The following MACROD2 variants were observed in gnomAD, a reference collection of about 807,000 sequenced individuals.
MACROD2 encodes the protein ADP-ribose glycohydrolase MACROD2.
Under a neutral mutation model 70.4 loss-of-function variants are expected in MACROD2, and 36 were observed. The observed-to-expected ratio is 0.51, with a 90% CI of 0.39 to 0.68. The LOEUF (loss-of-function observed/expected upper bound fraction) is 0.68. Among genes scored for constraint, MACROD2 ranks in the 30% least tolerant of loss-of-function variants. MACROD2 has a pLI of 0.00. For synonymous variants in MACROD2, 172 were observed against 178.8 expected (o/e 0.96, Z 0.30); for missense variants, 496 against 538.4 (o/e 0.92, Z 0.78).
intron 6 of MACROD2, among the ~76,000 whole-genome samples, chr20:15,271,463 A>T (rs779273436): frequency 6.6e-6 from 1 of 152,208 alleles, no homozygotes; most frequent in African/African-American, 2.4e-5. Flanking sequence ...TCTCTTTCCA[A>T]AAACAGAAGA....
intron 8 of MACROD2, among the ~76,000 whole-genome samples, chr20:15,698,094 C>T (rs1028462656): frequency 4.6e-5 from 7 of 152,198 alleles, no homozygotes; most frequent in East Asian, 1.9e-4. Context: ...TTGCATTCAT[C>T]ATGCTCTTTG....
intron 7 of MACROD2, among the ~76,000 whole-genome samples, chr20:15,474,956 C>G (rs1400458597): frequency 1.3e-5 from 2 of 151,856 alleles, no homozygotes; most frequent in Admixed American, 6.6e-5. Context: ...ACGGTCAGCT[C>G]TCTGTACCTG....
rs147805897 is a variant in MACROD2, at chr20:14,662,936, G to T, written c.302-21907G>T. Among the ~76,000 whole-genome samples, 1,155 of 152,190 alleles carry T rather than the reference G, an allele frequency of 7.6e-3. 17 individuals are homozygous for T. Among genetic ancestry groups the T allele is most frequent in the African/African-American group, 0.026 (1,088 of 41,520 alleles). On this transcript the variant is annotated intron_variant, in intron 4 of 17. Transcript: ENST00000684519. ...GAAGATGGTGTGGTGATTCCTCAAA[G>T]ACCTAAAAACAGAAATACCATTTGA...
chr20:14,498,554 T>G (rs17812701), intron 4 of MACROD2, among the ~76,000 whole-genome samples: 23,175 of 152,256 alleles, frequency 0.15, 2,523 homozygotes, highest in Non-Finnish European at 0.22. Context: ...TTGTCTACAT[T>G]CTTTCAGATG....
intron 4 of MACROD2, among the ~76,000 whole-genome samples, chr20:14,603,111 G>C (rs1049645320): frequency 2.6e-5 from 4 of 152,084 alleles, no homozygotes; most frequent in African/African-American, 9.7e-5. Context: ...CATATAGTTG[G>C]TTTTTTTAAG....
chr20:15,049,197 G>A (rs1002295958), intron 5 of MACROD2, among the ~76,000 whole-genome samples: 6 of 151,894 alleles, frequency 4.0e-5, no homozygotes, highest in African/African-American at 1.5e-4. Flanking sequence ...AAACAGTAAT[G>A]CCTATAGAGA....
chr20:15,944,247 T>C (rs115890388), intron 12 of MACROD2, among the ~76,000 whole-genome samples: 1 of 152,168 alleles, frequency 6.6e-6, no homozygotes, highest in Admixed American at 6.5e-5. Context: ...TACTTACATA[T>C]ATTTTCTTAT....
chr20:15,175,857 T>C (rs887567715), intron 5 of MACROD2, among the ~76,000 whole-genome samples: 1 of 152,194 alleles, frequency 6.6e-6, no homozygotes, highest in Non-Finnish European at 1.5e-5. Context: ...CCCCAGCCCC[T>C]ACCAAGTTGA....
At chr20:14,715,961 T>G (rs1039664791) in intron 5 of MACROD2, among the ~76,000 whole-genome samples, 1 of 152,196 alleles carries the variant, frequency 6.6e-6, no homozygotes, top group African/African-American at 2.4e-5. Context: ...CTAAATCATC[T>G]AAACACCAAA....
Position 15,906,597 on chromosome 20 carries a change from CA to C in MACROD2, c.775+20798del, listed in dbSNP as rs199506898. Among the ~76,000 whole-genome samples the C allele has an allele frequency of 3.1e-3, 433 of 140,284 alleles. 2 individuals are homozygous for C. Among genetic ancestry groups the C allele is most frequent in the African/African-American group, 8.2e-3 (319 of 38,792 alleles). 92.0% of individuals were successfully genotyped at this position (140,284 alleles called of 152,430 possible). A position where few individuals can be genotyped will look rare whatever the true frequency, so the allele number is the denominator to read the frequency against. ...AGTTTTCCAATGATGCTCCTTGTAA[CA>C]AAAAAAAAAAACGCTTTCAAACTCA... On this transcript the variant is annotated intron_variant, in intron 10 of 17. Transcript: ENST00000684519.
At chr20:15,736,418 G>A (rs2051021625) in intron 8 of MACROD2, among the ~76,000 whole-genome samples, 1 of 152,154 alleles carries the variant, frequency 6.6e-6, no homozygotes, top group Admixed American at 6.5e-5. Context: ...CTTGAATTGG[G>A]CCTTAAGTGT....
At chr20:15,006,563 A>C in intron 5 of MACROD2, among the ~76,000 whole-genome samples, 1 of 152,206 alleles carries the variant, frequency 6.6e-6, no homozygotes, top group East Asian at 1.9e-4. Context: ...TAATCATTTC[A>C]CAATGTATAT....
chr20:15,627,911 G>A lies in MACROD2; in HGVS notation c.645+128064G>A, dbSNP rs186642402. ...AATGATTAAGGGAAAGGCAAGATGG[G>A]GGGTTAAATCAGACTTGCACTGCCG... On this transcript the variant is annotated intron_variant, in intron 8 of 17. Transcript: ENST00000684519. Among the ~76,000 whole-genome samples, 3 of 152,288 alleles carry A rather than the reference G, an allele frequency of 2.0e-5. No individual in the cohort carries two copies. In the East Asian group the frequency reaches 5.8e-4, roughly 29 times the overall value.
At chr20:14,762,791 G>T (rs180848964) in intron 5 of MACROD2, among the ~76,000 whole-genome samples, 1 of 152,134 alleles carries the variant, frequency 6.6e-6, no homozygotes, top group South Asian at 2.1e-4. Context: ...TTAGCCAGAT[G>T]TGGCTGTGGG....
chr20:15,570,499 C>G (rs554582074), intron 8 of MACROD2, among the ~76,000 whole-genome samples: 24 of 152,226 alleles, frequency 1.6e-4, no homozygotes, highest in African/African-American at 5.5e-4. Flanking sequence ...CAATTCAAAC[C>G]AGCTCAAGCA....
In MACROD2 at chr20:14,249,657, A is replaced by G. The variant is rs147446964; in HGVS notation, c.271+163929A>G. On this transcript the variant is annotated intron_variant, in intron 3 of 17. Coordinates refer to ENST00000684519, the MANE Select transcript of MACROD2 (RefSeq NM_001351661.2). The stretch of plus-strand genomic sequence containing the variant: ...TGCCATCAAGATCCTGACTGTTGTC[A>G]TATTGAGTTTGTTTTCATAGCAAGA... 5.9e-5 allele frequency among the ~76,000 whole-genome samples: 9 copies of G among 152,284 alleles called. No homozygotes were observed. In the East Asian group the frequency reaches 1.7e-3, roughly 29 times the overall value.
At chr20:15,335,124 T>G (rs1442886402) in intron 6 of MACROD2, among the ~76,000 whole-genome samples, 1 of 151,782 alleles carries the variant, frequency 6.6e-6, no homozygotes, top group African/African-American at 2.4e-5. Flanking sequence ...TAACTCATGA[T>G]AGCACCAGGG....
At chr20:15,080,522 C>T (rs1322109334) in intron 5 of MACROD2, among the ~76,000 whole-genome samples, 1 of 152,078 alleles carries the variant, frequency 6.6e-6, no homozygotes, top group Admixed American at 6.6e-5. Context: ...TTTTCTGGTT[C>T]CTTTTGAACA....
At chr20:15,809,436 G>A (rs570990850) in intron 8 of MACROD2, among the ~76,000 whole-genome samples, 150 of 152,292 alleles carry the variant, frequency 9.8e-4, no homozygotes, top group African/African-American at 3.6e-3. Context: ...CAAGAAGCAC[G>A]GCTTCAGCAT....
Sources: allele counts gnomAD v4.1 joint callset (sites outside exome capture counted in the v4.1 genomes callset), GRCh38; gene constraint gnomAD v4.1.1; transcripts MANE v1.5; gene names NCBI Gene and HGNC (gene_info 2026-07-23, HGNC 2026-07-21).